SLC22A23: variants seen among roughly 807,000 people sequenced by gnomAD.
SLC22A23 encodes solute carrier family 22 member 23, also known as ion transporter protein.
SLC22A23 carries 26 observed loss-of-function variants against 61.0 expected under a neutral mutation model. The observed-to-expected ratio is 0.43, with a 90% CI of 0.31 to 0.59. The LOEUF (loss-of-function observed/expected upper bound fraction) is 0.59, where lower values mean the gene tolerates loss of function less well. Ranked by LOEUF, SLC22A23 falls within the 20% of genes least tolerant of loss-of-function variation. The pLI, the probability that SLC22A23 is intolerant of heterozygous loss-of-function variation, is 0.11. For synonymous variants in SLC22A23, 430 were observed against 413.9 expected (o/e 1.04, Z -0.47); for missense variants, 796 against 934.7 (o/e 0.85, Z 1.94).
At chr6:3,413,739 G>A (rs1414220140) in intron 2 of SLC22A23, among the ~76,000 whole-genome samples, 2 of 152,202 alleles carry the variant, frequency 1.3e-5, no homozygotes, top group African/African-American at 4.8e-5. Flanking sequence ...GCCCATAGCC[G>A]AGAGGTCTGG....
chr6:3,284,432 C>T (rs1316101540), intron 8 of SLC22A23, among the ~76,000 whole-genome samples: 4 of 152,246 alleles, frequency 2.6e-5, no homozygotes, highest in South Asian at 4.1e-4. Context: ...AAGTGTTCAA[C>T]CCATCAAAGC....
At chr6:3,289,920 A>ACAG in intron 5 of SLC22A23, 54 bp from the exon 6 acceptor site, 1 of 1,459,148 alleles carries the variant, frequency 6.9e-7, no homozygotes, top group Non-Finnish European at 9.6e-7. Context: ...AGAGGACAGG[A>ACAG]CAGCAGCTGC....
chr6:3,274,928 C>T (rs773732316), intron 9 of SLC22A23, among the ~76,000 whole-genome samples: 54 of 149,560 alleles, frequency 3.6e-4, no homozygotes, highest in African/African-American at 1.3e-3. Flanking sequence ...CTATACATTC[C>T]ACATAATCCC....
chr6:3,294,590 G>T (rs9378357), intron 5 of SLC22A23, among the ~76,000 whole-genome samples: 29,719 of 152,152 alleles, frequency 0.2, 4,773 homozygotes, highest in African/African-American at 0.43. Flanking sequence ...TCTCGTTTTT[G>T]CATTAGGCTG....
chr6:3,345,461 G>A (rs1764381056), intron 3 of SLC22A23, among the ~76,000 whole-genome samples: 2 of 151,650 alleles, frequency 1.3e-5, no homozygotes, highest in South Asian at 4.2e-4. Context: ...CGCCTCCTGG[G>A]TTCAAGTGAT....
chr6:3,289,826 G>A lies in SLC22A23; in HGVS notation c.1251C>T (p.Cys417=), dbSNP rs1422213430. The A allele has an allele frequency of 5.0e-6, 8 of 1,614,004 alleles. No individual in the cohort carries two copies. Among genetic ancestry groups the A allele is most frequent in the Non-Finnish European group, 6.8e-6 (8 of 1,180,020 alleles). Residue 417 remains cysteine, a synonymous_variant, in exon 6 of 10, where the codon TGC becomes TGT. Coordinates refer to ENST00000406686, the MANE Select transcript of SLC22A23 (RefSeq NM_015482.2). ...KELSRRPKKV[C]IVKVVGTRNL... Reference sequence around the variant, plus strand: ...TCCGTGTCCCCACCACCTTCACGATGCAGACCTTCTTGGGCCTCCGGGAAA... The same window carrying A: ...TCCGTGTCCCCACCACCTTCACGATACAGACCTTCTTGGGCCTCCGGGAAA...
chr6:3,411,884 G>A (rs556451230), intron 2 of SLC22A23, among the ~76,000 whole-genome samples: 19 of 152,332 alleles, frequency 1.2e-4, no homozygotes, highest in Admixed American at 4.6e-4. Flanking sequence ...AGCAAAGACT[G>A]TGTAGCTGAT....
chr6:3,312,783 C>CT (rs755481621), intron 4 of SLC22A23: 21 of 152,440 alleles, frequency 1.4e-4, no homozygotes, highest in Non-Finnish European at 2.3e-4. Flanking sequence ...CACTTGGTCT[C>CT]TGTCGGTTGC....
At position 3,269,920 on chromosome 6, in the gene SLC22A23, C is replaced by T. The variant is rs552114135; in HGVS notation, c.*3135G>A. The T allele has an allele frequency of 5.3e-4, 81 of 152,904 alleles. No individual in the cohort carries two copies. Among genetic ancestry groups the T allele is most frequent in the Middle Eastern group, 6.8e-3 (2 of 294 alleles). The allele number at this position is 152,904 out of a possible 1,614,324, so 9.5% of individuals were successfully genotyped here. ...CCCTTACGAGGTTTGTTTTTGTTTT[C>T]TTTCTGTTCTGTAGCCAAACCAATT... On this transcript the variant is annotated 3_prime_UTR_variant, in exon 10 of 10. Coordinates refer to ENST00000406686, the MANE Select transcript of SLC22A23 (RefSeq NM_015482.2).
chr6:3,299,508 C>G (rs1761427178), intron 4 of SLC22A23, among the ~76,000 whole-genome samples: 1 of 152,114 alleles, frequency 6.6e-6, no homozygotes, highest in African/African-American at 2.4e-5. Context: ...GAATCTTTTT[C>G]TTTTTTTAAA....
At chr6:3,415,160 A>G (rs1420466121) in intron 2 of SLC22A23, among the ~76,000 whole-genome samples, 1 of 152,180 alleles carries the variant, frequency 6.6e-6, no homozygotes, top group African/African-American at 2.4e-5. Flanking sequence ...TCATTATTGC[A>G]TATGCATTCT....
intron 1 of SLC22A23, among the ~76,000 whole-genome samples, chr6:3,452,467 T>C (rs1308113841): frequency 4.0e-5 from 6 of 151,702 alleles, no homozygotes; most frequent in African/African-American, 1.5e-4. Flanking sequence ...GGTGTGGTGG[T>C]GCATGCCTGT....
intron 4 of SLC22A23, among the ~76,000 whole-genome samples, chr6:3,316,395 T>G (rs1000421655): frequency 1.3e-5 from 2 of 152,216 alleles, no homozygotes; most frequent in Non-Finnish European, 2.9e-5. Context: ...ATTTCTAAAA[T>G]GTGAAGACAC....
chr6:3,325,704 G>T (rs1048337706), intron 3 of SLC22A23, among the ~76,000 whole-genome samples: 1 of 152,224 alleles, frequency 6.6e-6, no homozygotes, highest in Non-Finnish European at 1.5e-5. Context: ...AAGACTAACA[G>T]TTGTAGGTCT....
rs1763430693 is a variant in SLC22A23, at chr6:3,328,930, C to T, written c.914-4928G>A. Among the ~76,000 whole-genome samples, 1 of 152,132 alleles carries T rather than the reference C, an allele frequency of 6.6e-6. No individual in the cohort carries two copies. Among genetic ancestry groups the T allele is most frequent in the Non-Finnish European group, 1.5e-5 (1 of 68,024 alleles). On this transcript the variant is annotated intron_variant, in intron 3 of 9. Coordinates refer to ENST00000406686, the MANE Select transcript of SLC22A23 (RefSeq NM_015482.2). The surrounding 1 kb of genome is among the most constrained non-coding windows in gnomAD (Gnocchi z 5.0). ...CCTTCTTACTCCCCACTCTCTCATCCTGTCCCTGCTTCTCTTCCCCGGCCA... is the reference window on the plus strand; with the variant it reads ...CCTTCTTACTCCCCACTCTCTCATCTTGTCCCTGCTTCTCTTCCCCGGCCA...
chr6:3,284,816 G>A, intron 8 of SLC22A23: 1 of 1,265,768 alleles, frequency 7.9e-7, no homozygotes, highest in Non-Finnish European at 1.1e-6. Context: ...CCTGTGCTGA[G>A]CCTGGTGCCA....
At position 3,330,077 on chromosome 6, in the gene SLC22A23, C is replaced by G. The variant is rs1223361351; in HGVS notation, c.914-6075G>C. Among the ~76,000 whole-genome samples, 1 of 152,204 alleles carries G rather than the reference C, an allele frequency of 6.6e-6. No homozygotes were observed. Among genetic ancestry groups the G allele is most frequent in the African/African-American group, 2.4e-5 (1 of 41,448 alleles). On this transcript the variant is annotated intron_variant, in intron 3 of 9. Coordinates refer to ENST00000406686, the MANE Select transcript of SLC22A23 (RefSeq NM_015482.2). This position sits in a 1 kb window ranked among gnomAD's most constrained non-coding sequence, Gnocchi z 4.7. ...CACCGGGGCTTGGGGATCCCACCGCCCTGCCCAGCCCCAGAACACACAGGA... is the reference window on the plus strand; with the variant it reads ...CACCGGGGCTTGGGGATCCCACCGCGCTGCCCAGCCCCAGAACACACAGGA...
At chr6:3,344,731 C>T (rs1322284827) in intron 3 of SLC22A23, among the ~76,000 whole-genome samples, 2 of 152,170 alleles carry the variant, frequency 1.3e-5, no homozygotes, top group Admixed American at 1.3e-4. Context: ...AATAAGTAAG[C>T]GTTAGGCAAT....
chr6:3,415,992 G>C (rs1216272388), intron 1 of SLC22A23, 137 bp from the exon 2 acceptor site: 1 of 597,310 alleles, frequency 1.7e-6, no homozygotes, highest in Non-Finnish European at 2.9e-6. Flanking sequence ...ACCAGTCAGA[G>C]TCTCTTCCAT....
Sources: gnomAD v4.1 joint callset for allele counts (sites outside exome capture counted in the v4.1 genomes callset) on GRCh38, gnomAD v4.1.1 for gene constraint, Gnocchi (gnomAD v3.1) non-coding constraint, MANE v1.5 for transcripts, NCBI Gene and HGNC (gene_info 2026-07-23, HGNC 2026-07-21) for gene names.